Variants in DAB1 observed in about 807,000 individuals in gnomAD.
The protein encoded by DAB1 is disabled homolog 1.
In DAB1, 15 loss-of-function variants were observed where a neutral mutation model predicts 64.6. The ratio of observed to expected loss-of-function variants is 0.23; its 90% CI spans 0.16 to 0.36. DAB1 has a LOEUF of 0.36. Ranked by LOEUF, DAB1 falls within the 10% of genes least tolerant of loss-of-function variation. The pLI, the probability that DAB1 is intolerant of heterozygous loss-of-function variation, is 1.00. For synonymous variants in DAB1, 235 were observed against 251.9 expected (o/e 0.93, Z 0.64); for missense variants, 596 against 706.7 (o/e 0.84, Z 1.78).
At chr1:57,077,679 A>T (rs543261200) in intron 4 of DAB1, among the ~76,000 whole-genome samples, 1 of 152,350 alleles carries the variant, frequency 6.6e-6, no homozygotes, top group Non-Finnish European at 1.5e-5. Context: ...TTACTGTCTG[A>T]CAGAATAAAT....
intron 1 of DAB1, among the ~76,000 whole-genome samples, chr1:57,413,777 T>A (rs553462185): frequency 4.6e-5 from 7 of 150,966 alleles, no homozygotes; most frequent in Middle Eastern, 6.8e-3. Flanking sequence ...AATTCATCAT[T>A]CTAGATGCCA....
At chr1:58,175,277 A>C (rs1656405171) in intron 4 of DAB1, among the ~76,000 whole-genome samples, 1 of 152,192 alleles carries the variant, frequency 6.6e-6, no homozygotes, top group African/African-American at 2.4e-5. Context: ...CTCACTGCGA[A>C]GGTCAGTGGC....
chr1:57,265,888 A>G (rs56384646), intron 2 of DAB1, among the ~76,000 whole-genome samples: 10,575 of 152,246 alleles, frequency 0.069, 499 homozygotes, highest in Non-Finnish European at 0.1. Flanking sequence ...CATGTAAGCA[A>G]ACTCAGTCTA....
chr1:57,017,570 C>T (rs911059932), intron 11 of DAB1, among the ~76,000 whole-genome samples: 3 of 152,186 alleles, frequency 2.0e-5, no homozygotes, highest in Admixed American at 1.3e-4. Context: ...CCTCTCATGC[C>T]GTGCTTCCCT....
At chr1:58,471,697 G>A (rs1368417598) in intron 3 of DAB1, among the ~76,000 whole-genome samples, 15 of 152,100 alleles carry the variant, frequency 9.9e-5, no homozygotes, top group Non-Finnish European at 8.8e-5. Flanking sequence ...TGCTGTTCTC[G>A]TGATAGTGAG....
chr1:58,439,698 A>G (rs1465726933), intron 3 of DAB1, among the ~76,000 whole-genome samples: 1 of 152,226 alleles, frequency 6.6e-6, no homozygotes, highest in Non-Finnish European at 1.5e-5. Context: ...TAATTTGTCC[A>G]GGACCACACA....
intron 2 of DAB1, among the ~76,000 whole-genome samples, chr1:57,170,066 G>A (rs112024913): frequency 0.067 from 10,106 of 150,420 alleles, 458 homozygotes; most frequent in Non-Finnish European, 0.1. Flanking sequence ...GTGTGAACTC[G>A]GCTCCCTGCA....
chr1:57,670,440 C>T (rs1646496966), intron 6 of DAB1, among the ~76,000 whole-genome samples: 1 of 152,092 alleles, frequency 6.6e-6, no homozygotes, highest in African/African-American at 2.4e-5. Flanking sequence ...ATGTGCTCTA[C>T]CTTGTTCAAG....
chr1:57,760,371 G>T (rs1359433458), intron 6 of DAB1, among the ~76,000 whole-genome samples: 7 of 152,170 alleles, frequency 4.6e-5, no homozygotes, highest in South Asian at 2.1e-4. Flanking sequence ...TTTAAAAGCT[G>T]TCAAATAAAA....
At chr1:57,807,549 C>A (rs1651419683) in intron 6 of DAB1, among the ~76,000 whole-genome samples, 1 of 152,232 alleles carries the variant, frequency 6.6e-6, no homozygotes, top group Non-Finnish European at 1.5e-5. Context: ...ACTTCTTCAG[C>A]TTCATCCCAA....
intron 5 of DAB1, among the ~76,000 whole-genome samples, chr1:58,094,575 G>C (rs1252377740): frequency 6.6e-6 from 1 of 152,230 alleles, no homozygotes; most frequent in African/African-American, 2.4e-5. Context: ...TTCTTCAAGT[G>C]AAGTTAAACG....
chr1:58,537,283 C>T (rs1646533197), intron 1 of DAB1, among the ~76,000 whole-genome samples: 1 of 152,066 alleles, frequency 6.6e-6, no homozygotes, highest in South Asian at 2.1e-4. Context: ...GGTTACAGTA[C>T]AATAAATCTA....
chr1:57,078,964 T>C (rs1357688078), intron 4 of DAB1, among the ~76,000 whole-genome samples: 2 of 152,102 alleles, frequency 1.3e-5, no homozygotes, highest in Non-Finnish European at 2.9e-5. Flanking sequence ...CTGAAGAAAA[T>C]GGATTTGCTA....
At chr1:58,148,208 A>G (rs1032031685) in intron 5 of DAB1, among the ~76,000 whole-genome samples, 4 of 152,188 alleles carry the variant, frequency 2.6e-5, no homozygotes, top group African/African-American at 9.6e-5. Context: ...CACATGCCTT[A>G]GTCCAACTGG....
chr1:57,309,128 C>A (rs191889640), intron 1 of DAB1, among the ~76,000 whole-genome samples: 3 of 152,160 alleles, frequency 2.0e-5, no homozygotes, highest in African/African-American at 7.2e-5. Context: ...CTTTTTCCAA[C>A]GTGGCTCAGG....
At chr1:57,752,151 C>T (rs1015266831) in intron 6 of DAB1, among the ~76,000 whole-genome samples, 1 of 152,208 alleles carries the variant, frequency 6.6e-6, no homozygotes, top group Non-Finnish European at 1.5e-5. Flanking sequence ...TTGAGTTCTC[C>T]GCTCATATAA....
At chr1:57,808,482 G>A (rs1166789657) in intron 6 of DAB1, among the ~76,000 whole-genome samples, 1 of 152,160 alleles carries the variant, frequency 6.6e-6, no homozygotes, top group Admixed American at 6.5e-5. Flanking sequence ...TTAGCTCTGT[G>A]CTTGGCACAT....
intron 9 of DAB1, among the ~76,000 whole-genome samples, chr1:57,056,504 CAA>C (rs71051216): frequency 0.031 from 2,721 of 86,960 alleles, 69 homozygotes; most frequent in African/African-American, 0.12. Context: ...GAGCCTGTCT[CAA>C]AAAAAAAAAA....
chr1:58,056,398 C>T (rs138904026), intron 5 of DAB1: 30,390 of 1,567,692 alleles, frequency 0.019, 368 homozygotes, highest in Middle Eastern at 0.034. Context: ...GGGCACGCAT[C>T]GGGCACAGTT....
Sources: gnomAD v4.1 joint callset for allele counts (sites outside exome capture counted in the v4.1 genomes callset) on GRCh38, gnomAD v4.1.1 for gene constraint, MANE v1.5 for transcripts, NCBI Gene and HGNC (gene_info 2026-07-23, HGNC 2026-07-21) for gene names.